PTPRT: variants seen among roughly 807,000 people sequenced by gnomAD.
PTPRT encodes protein tyrosine phosphatase receptor type T, also known as receptor-type tyrosine-protein phosphatase T.
Under a neutral mutation model 176.8 loss-of-function variants are expected in PTPRT, and 56 were observed. The ratio of observed to expected loss-of-function variants is 0.32; its 90% CI spans 0.26 to 0.40. The LOEUF (loss-of-function observed/expected upper bound fraction) is 0.40, where lower values mean the gene tolerates loss of function less well. Among genes scored for constraint, PTPRT ranks in the 10% least tolerant of loss-of-function variants. The pLI is 1.00. For missense variants in PTPRT, 1,540 were observed against 1,908.2 expected (o/e 0.81, Z 3.60); for synonymous variants, 783 against 739.0 (o/e 1.06, Z -0.96).
chr20:42,313,315 T>C (rs1441482822), intron 12 of PTPRT, among the ~76,000 whole-genome samples: 4 of 152,176 alleles, frequency 2.6e-5, no homozygotes. Flanking sequence ...GCCATTCTTT[T>C]GTTCATTTAC....
intron 1 of PTPRT, among the ~76,000 whole-genome samples, chr20:43,108,558 G>A (rs529260857): frequency 5.9e-5 from 9 of 152,248 alleles, no homozygotes; most frequent in Non-Finnish European, 8.8e-5. Context: ...CATGTGACTC[G>A]AGACAGGGTT....
chr20:42,321,961 T>C (rs891044101), intron 11 of PTPRT, among the ~76,000 whole-genome samples: 6 of 151,988 alleles, frequency 3.9e-5, no homozygotes, highest in African/African-American at 1.4e-4. Flanking sequence ...TAGTCCCAGC[T>C]TCTTAGGAGG....
chr20:43,129,280 C>A (rs1463148834), intron 1 of PTPRT, among the ~76,000 whole-genome samples: 1 of 152,156 alleles, frequency 6.6e-6, no homozygotes, highest in Non-Finnish European at 1.5e-5. Context: ...ATGTCAGGAC[C>A]ACCGCCTGTG....
intron 1 of PTPRT, among the ~76,000 whole-genome samples, chr20:42,907,659 C>CA (rs2079495749): frequency 1.3e-5 from 2 of 152,140 alleles, no homozygotes; most frequent in African/African-American, 4.8e-5. Context: ...GAGAGAGCTA[C>CA]AAAAAAGATG....
chr20:42,520,495 T>C (rs1276938260), intron 7 of PTPRT, among the ~76,000 whole-genome samples: 1 of 152,084 alleles, frequency 6.6e-6, no homozygotes, highest in Non-Finnish European at 1.5e-5. Flanking sequence ...CTGTTTTGGT[T>C]GTATATTTTT....
At chr20:42,456,855 A>C (rs2070934532) in intron 8 of PTPRT, among the ~76,000 whole-genome samples, 1 of 152,072 alleles carries the variant, frequency 6.6e-6, no homozygotes. Flanking sequence ...TTCCTTTCTC[A>C]TAAAGTGTGT....
chr20:42,590,618 T>C (rs2071080339), intron 7 of PTPRT, among the ~76,000 whole-genome samples: 1 of 152,094 alleles, frequency 6.6e-6, no homozygotes, highest in Non-Finnish European at 1.5e-5. Context: ...TAACAAGGCC[T>C]GAGGACATCA....
chr20:43,045,454 C>CCTT (rs1177406632), intron 1 of PTPRT, among the ~76,000 whole-genome samples: 5 of 119,336 alleles, frequency 4.2e-5, no homozygotes, highest in Admixed American at 1.8e-4. Flanking sequence ...TTCTTTTTTT[C>CCTT]ATTTTTTTTT....
At chr20:43,172,632 T>C (rs780537696) in intron 1 of PTPRT, among the ~76,000 whole-genome samples, 2 of 152,212 alleles carry the variant, frequency 1.3e-5, no homozygotes, top group Non-Finnish European at 2.9e-5. Context: ...TAACCAAGGA[T>C]GGCTAGTATT....
chr20:42,594,500 C>A (rs2073636040), intron 7 of PTPRT, among the ~76,000 whole-genome samples: 1 of 152,232 alleles, frequency 6.6e-6, no homozygotes, highest in South Asian at 2.1e-4. Flanking sequence ...CAAATATAAT[C>A]TTGTTCCATC....
intron 7 of PTPRT, among the ~76,000 whole-genome samples, chr20:42,476,446 T>C (rs13043731): frequency 0.29 from 43,935 of 151,966 alleles, 7,059 homozygotes; most frequent in Non-Finnish European, 0.37. Flanking sequence ...CTCCTGTGGG[T>C]TCTAGAAAGG....
At chr20:42,499,006 G>T (rs2071702422) in intron 7 of PTPRT, among the ~76,000 whole-genome samples, 1 of 152,150 alleles carries the variant, frequency 6.6e-6, no homozygotes, top group Admixed American at 6.5e-5. Context: ...CTGAGGCTGT[G>T]TCACAGGCCA....
intron 15 of PTPRT, 129 bp downstream of exon 15, chr20:42,236,100 T>A: frequency 1.3e-6 from 1 of 742,970 alleles, no homozygotes; most frequent in Non-Finnish European, 2.2e-6. Context: ...AATAAAAACT[T>A]TAAGGCTACA....
intron 19 of PTPRT, among the ~76,000 whole-genome samples, chr20:42,122,661 C>T (rs1987647922): frequency 6.6e-6 from 1 of 152,216 alleles, no homozygotes; most frequent in South Asian, 2.1e-4. Context: ...CAGCACCAAC[C>T]ACTAGCTGGC....
At chr20:42,204,960 C>A (rs2146702826) in intron 15 of PTPRT, among the ~76,000 whole-genome samples, 1 of 148,790 alleles carries the variant, frequency 6.7e-6, no homozygotes, top group African/African-American at 2.4e-5. Flanking sequence ...TGGCTTGATA[C>A]AACGAAGGAA....
At position 42,235,242 on chromosome 20, in the gene PTPRT, T is replaced by C. The variant is rs1056996066; in HGVS notation, c.2342+987A>G. Among the ~76,000 whole-genome samples the C allele has an allele frequency of 1.2e-4, 18 of 149,866 alleles. No homozygotes were observed. In the South Asian group the frequency reaches 3.7e-3, roughly 31 times the overall value. On this transcript the variant is annotated intron_variant, in intron 15 of 30. Coordinates refer to ENST00000373187, the MANE Select transcript of PTPRT (RefSeq NM_007050.6). ...TATCATGTTTTGAGCATCTCTGTTGTTGTTGTTATTTATTATTATTATTAT... is the reference window on the plus strand; with the variant it reads ...TATCATGTTTTGAGCATCTCTGTTGCTGTTGTTATTTATTATTATTATTAT...
intron 8 of PTPRT, among the ~76,000 whole-genome samples, chr20:42,450,271 A>C (rs909146767): frequency 1.3e-5 from 2 of 152,260 alleles, no homozygotes; most frequent in African/African-American, 4.8e-5. Context: ...GGGCCAAAGT[A>C]AATGAACTAT....
chr20:42,347,848 T>C (rs2058217672), intron 11 of PTPRT, among the ~76,000 whole-genome samples: 1 of 152,264 alleles, frequency 6.6e-6, no homozygotes, highest in Non-Finnish European at 1.5e-5. Flanking sequence ...CTATTGTGCA[T>C]GGGCAAACAG....
intron 12 of PTPRT, among the ~76,000 whole-genome samples, chr20:42,313,664 G>A (rs556692167): frequency 6.6e-6 from 1 of 152,290 alleles, no homozygotes; most frequent in African/African-American, 2.4e-5. Flanking sequence ...CCTTCTTAGA[G>A]GGTTGTGCTG....
Sources: gnomAD v4.1 joint callset for allele counts (sites outside exome capture counted in the v4.1 genomes callset) on GRCh38, gnomAD v4.1.1 for gene constraint, MANE v1.5 for transcripts, NCBI Gene and HGNC (gene_info 2026-07-23, HGNC 2026-07-21) for gene names.